The following FASN variants were observed in gnomAD, a reference collection of about 807,000 sequenced individuals.
FASN encodes the protein 3-hydroxyacyl-[acyl-carrier-protein] dehydratase.
FASN carries 50 observed loss-of-function variants against 250.0 expected under a neutral mutation model. That is an observed-to-expected ratio of 0.20 (90% CI 0.16 to 0.25). The LOEUF is 0.25. Among genes scored for constraint, FASN ranks in the 10% least tolerant of loss-of-function variants. The pLI, the probability that FASN is intolerant of heterozygous loss-of-function variation, is 1.00. For synonymous variants in FASN, 1,909 were observed against 1,584.0 expected, an observed-to-expected ratio of 1.21 and a Z score of -4.87; for missense variants, 3,031 against 3,498.5, an observed-to-expected ratio of 0.87 and a Z score of 3.37.
At position 82,078,711 on chromosome 17, in the gene FASN, C is replaced by T. The variant is rs1015426363; in HGVS notation, c.*432G>A. 3.8e-6 allele frequency: 1 copy of T among 263,310 alleles called. No homozygotes were observed. The highest frequency in any genetic ancestry group is 2.3e-5 in the African/African-American group (1 of 44,440). 16.3% of individuals were successfully genotyped at this position (263,310 alleles called of 1,614,324 possible). A position where few individuals can be genotyped will look rare whatever the true frequency, so the allele number is the denominator to read the frequency against. On this transcript the variant is annotated 3_prime_UTR_variant, in exon 43 of 43. Coordinates refer to ENST00000306749, the MANE Select transcript of FASN (RefSeq NM_004104.5). The surrounding 1 kb of genome is among the most constrained non-coding windows in gnomAD (Gnocchi z 5.4). The stretch of plus-strand genomic sequence containing the variant: ...AGCAGGCTTGGGTGGCTGCCCGCGC[C>T]CGCAGGGGACATCGGGGAAATGGGG...
At position 82,079,003 on chromosome 17, in the gene FASN, C is replaced by G; in HGVS notation, c.*140G>C. The G allele has an allele frequency of 9.5e-7, 1 of 1,058,100 alleles. No homozygotes were observed. The highest frequency in any genetic ancestry group is 2.1e-5 in the Admixed American group (1 of 48,012). The allele number at this position is 1,058,100 out of a possible 1,614,324, so 65.5% of individuals were successfully genotyped here. ...GGTGGGACATGCCTAACACCTACAT[C>G]TAGCAGCCTCGGGGGGCAGTGGCAC... On this transcript the variant is annotated 3_prime_UTR_variant, in exon 43 of 43. Transcript: ENST00000306749.
chr17:82,093,550 G>A, intron 4 of FASN, 48 bp downstream of exon 4: 2 of 1,611,102 alleles, frequency 1.2e-6, no homozygotes, highest in Non-Finnish European at 1.7e-6. Flanking sequence ...CTCAGCATGT[G>A]GGGACCTGAA....
chr17:82,089,506 C>T (rs2034164472), intron 12 of FASN, 122 bp from the exon 13 acceptor site: 1 of 1,572,166 alleles, frequency 6.4e-7, no homozygotes, highest in Non-Finnish European at 8.7e-7. Context: ...GACCTGAGGA[C>T]AAACCTGCCC....
chr17:82,078,976 T>C lies in FASN; in HGVS notation c.*167A>G. The C allele has an allele frequency of 1.1e-5, 9 of 797,428 alleles. No individual in the cohort carries two copies. In the South Asian group the frequency reaches 1.5e-4, roughly 14 times the overall value. 49.4% of individuals were successfully genotyped at this position (797,428 alleles called of 1,614,324 possible). On this transcript the variant is annotated 3_prime_UTR_variant, in exon 43 of 43. Coordinates refer to ENST00000306749, the MANE Select transcript of FASN (RefSeq NM_004104.5). The surrounding 1 kb of genome is among the most constrained non-coding windows in gnomAD (Gnocchi z 5.4). ...CCGAGGTGCCGTGGGAGGCGGCGGG[T>C]GGGTGGGACATGCCTAACACCTACA... is the stretch of plus-strand genomic sequence containing the variant.
At chr17:82,082,497 T>C in intron 34 of FASN, 30 bp downstream of exon 34, 1 of 1,609,966 alleles carries the variant, frequency 6.2e-7, no homozygotes. Context: ...CTTGGGGCTT[T>C]TGAGGGCCCC....
Position 82,087,799 on chromosome 17 carries a change from G to C in FASN, c.2929C>G (p.Pro977Ala). 1 of 1,612,630 alleles carries C rather than the reference G, an allele frequency of 6.2e-7. No homozygotes were observed. ...AGGAAGAGGGGCTCCGTGGGGTTGG[G>C]GGTGGGGCTTTCCGGGTGGTCGAAG... is the stretch of plus-strand genomic sequence containing the variant. ...RLFDHPESPT[P>A]NPTEPLFLAQ... is the part of the protein sequence containing the mutation. The change falls in exon 19 of 43, where the codon CCC becomes GCC. Residue 977 changes from proline to alanine, a missense_variant. Physicochemically the swap from Pro to Ala is conservative, Grantham distance 27. Coordinates refer to ENST00000306749, the MANE Select transcript of FASN (RefSeq NM_004104.5).
chr17:82,097,667 G>C (rs1050663792), intron 1 of FASN: 5 of 152,130 alleles, frequency 3.3e-5, no homozygotes, highest in African/African-American at 1.2e-4. Flanking sequence ...CGCTTCGGCC[G>C]GGCTGCGCCA....
Position 82,098,205 on chromosome 17 carries a change from G to T in FASN, c.-92C>A. 2.7e-6 allele frequency: 1 copy of T among 367,768 alleles called. No homozygotes were observed. The highest frequency in any genetic ancestry group is 4.9e-6 in the Non-Finnish European group (1 of 206,086). 22.8% of individuals were successfully genotyped at this position (367,768 alleles called of 1,614,324 possible). A position where few individuals can be genotyped will look rare whatever the true frequency, so the allele number is the denominator to read the frequency against. On this transcript the variant is annotated 5_prime_UTR_variant, in exon 1 of 43. Coordinates refer to ENST00000306749, the MANE Select transcript of FASN (RefSeq NM_004104.5). Reference sequence around the variant, plus strand: ...CGGGAGGCTGAAGCGCGGCGGAGAGGGAGGCCGGGGCCGCTGCCGTCTCTC... The same window carrying T: ...CGGGAGGCTGAAGCGCGGCGGAGAGTGAGGCCGGGGCCGCTGCCGTCTCTC...
In FASN at chr17:82,091,137, G is replaced by C. The variant is rs1229329285; in HGVS notation, c.1493-68C>G. On this transcript the variant is annotated intron_variant, in intron 9 of 42. Transcript: ENST00000306749. ...CCACTGTGTGCCCATCCCCGTCCCA[G>C]AGAGCACCTCAGGGGACCACCAGCT... 3 of 1,604,448 alleles carry C rather than the reference G, an allele frequency of 1.9e-6. No homozygotes were observed. In the South Asian group the frequency reaches 3.3e-5, roughly 18 times the overall value.
rs751669565 is a variant in FASN at position 82,084,165 on chromosome 17, G to A, written c.4920-12C>T. On this transcript the variant is annotated splice_polypyrimidine_tract_variant and intron_variant, in intron 28 of 42. Coordinates refer to ENST00000306749, the MANE Select transcript of FASN (RefSeq NM_004104.5). ...CCTCCTCCAGCGTCCTGGGGATGCA[G>A]CAGGTGGGTCAGCACAGGCCTGGCC... is the stretch of plus-strand genomic sequence containing the variant. 1.2e-6 allele frequency: 2 copies of A among 1,603,922 alleles called. No individual in the cohort carries two copies. Among genetic ancestry groups the A allele is most frequent in the Non-Finnish European group, 1.7e-6 (2 of 1,176,080 alleles).
At position 82,084,570 on chromosome 17, in the gene FASN, G is replaced by C. The variant is rs1174090248; in HGVS notation, c.4711C>G (p.Leu1571Val). The C allele has an allele frequency of 6.2e-7, 1 of 1,611,600 alleles. No homozygotes were observed. The highest frequency in any genetic ancestry group is 8.5e-7 in the Non-Finnish European group (1 of 1,179,570). Residue 1571 changes from leucine to valine, a missense_variant, in exon 27 of 43, where the codon CTC becomes GTC. By Grantham distance (32) the Leu-to-Val change is conservative. Transcript: ENST00000306749. ...GCCAGCATGATGTCGCGGAAGTTGA[G>C]GGAGGCGTAGTAGACCGTGCAGAGC... The part of the protein sequence containing the change: ...AQLCTVYYAS[L>V]NFRDIMLATG...
chr17:82,085,217 G>C (rs1285240480), intron 24 of FASN, 21 bp downstream of exon 24: 1 of 1,612,156 alleles, frequency 6.2e-7, no homozygotes, highest in Non-Finnish European at 8.5e-7. Flanking sequence ...GGTGGGGCCT[G>C]GAGGTGGGGC....
intron 20 of FASN, 31 bp from the exon 21 acceptor site, chr17:82,087,284 A>G: frequency 6.2e-7 from 1 of 1,603,490 alleles, no homozygotes; most frequent in African/African-American, 1.3e-5. Context: ...AGTGCGGCAT[A>G]CTTGGGTGGG....
chr17:82,094,540 C>T (rs988340037), intron 3 of FASN, among the ~76,000 whole-genome samples: 16 of 152,038 alleles, frequency 1.1e-4, no homozygotes, highest in Middle Eastern at 3.2e-3. Context: ...CCTGTAATCC[C>T]AGCACTTTGG....
chr17:82,081,683 G>T lies in FASN; in HGVS notation c.6324C>A (p.Ser2108Arg). ...FLNQPHMVLS[S>R]FVLAEKAAAY... is the part of the protein sequence containing the mutation. ...CCGCAGCCTTCTCAGCCAGCACAAAGCTGCTCAGGACCATGTGGGGCTGGT... is the reference window on the plus strand; with the variant it reads ...CCGCAGCCTTCTCAGCCAGCACAAATCTGCTCAGGACCATGTGGGGCTGGT... The change falls in exon 37 of 43, where the codon AGC (serine) becomes AGA (arginine). Residue 2108 changes from serine to arginine, a missense_variant. Coordinates refer to ENST00000306749, the MANE Select transcript of FASN (RefSeq NM_004104.5). 1 of 1,612,758 alleles carries T rather than the reference G, an allele frequency of 6.2e-7. No homozygotes were observed.
rs748483333 is a variant in FASN at position 82,093,702 on chromosome 17, G to A, written c.350C>T (p.Ser117Leu). 2.5e-6 allele frequency: 4 copies of A among 1,612,584 alleles called. No individual in the cohort carries two copies. Among genetic ancestry groups the A allele is most frequent in the Admixed American group, 3.3e-5 (2 of 60,006 alleles). ...CTCGGGGTCTCGGCTCAGGGCCTCC[G>A]AGGTCTCAGAGCCGCTCACGCCCAC... Reference protein sequence around the residue: ...VWVGVSGSETSEALSRDPETL... With the variant: ...VWVGVSGSETLEALSRDPETL... Residue 117 changes from serine (S) to leucine (L), a missense_variant, in exon 4 of 43, where the codon TCG (serine) becomes TTG (leucine). Ser to Leu is a moderately radical substitution (Grantham distance 145, BLOSUM62 -2). Transcript: ENST00000306749.
intron 1 of FASN, 79 bp downstream of exon 1, chr17:82,098,039 TGAG>T (rs2034333772): frequency 6.5e-6 from 2 of 306,190 alleles, no homozygotes; most frequent in African/African-American, 4.5e-5. Flanking sequence ...GAGCGGAGGA[TGAG>T]GAGCCGGGCC....
rs142888599 is a variant in FASN, at chr17:82,089,319, G to T, written c.2031C>A (p.Thr677=). ...AGTAGGAGTGGAAGGCCATACCGCC[G>T]GTCCGCACCTCCTTGGCAAACACAC... is the stretch of plus-strand genomic sequence containing the variant. The part of the protein sequence containing the change: ...KEGVFAKEVR[T]GGMAFHSYFM... Residue 677 remains threonine, a synonymous_variant, in exon 13 of 43, where the codon ACC becomes ACA. Transcript: ENST00000306749. 5 of 1,612,754 alleles carry T rather than the reference G, an allele frequency of 3.1e-6. No individual in the cohort carries two copies. The South Asian group carries it at 4.4e-5, about 14-fold the overall frequency.
At position 82,078,604 on chromosome 17, in the gene FASN, G is replaced by A. The variant is rs2033931970; in HGVS notation, c.*539C>T. 5.4e-6 allele frequency: 1 copy of A among 184,650 alleles called. No individual in the cohort carries two copies. The highest frequency in any genetic ancestry group is 5.4e-5 in the Admixed American group (1 of 18,394). 11.4% of individuals were successfully genotyped at this position (184,650 alleles called of 1,614,324 possible). On this transcript the variant is annotated 3_prime_UTR_variant, in exon 43 of 43. Coordinates refer to ENST00000306749, the MANE Select transcript of FASN (RefSeq NM_004104.5). The surrounding 1 kb of genome is among the most constrained non-coding windows in gnomAD (Gnocchi z 5.4). The stretch of plus-strand genomic sequence containing the variant: ...TGGCCGGGCCCTGTGTGCCTGTGCA[G>A]GGGCCCAGCTCCTCGGGGACTGGCC...
Sources: allele counts gnomAD v4.1 joint callset (sites outside exome capture counted in the v4.1 genomes callset), GRCh38; gene constraint gnomAD v4.1.1; non-coding constraint Gnocchi (gnomAD v3.1); transcripts MANE v1.5; gene names NCBI Gene and HGNC (gene_info 2026-07-23, HGNC 2026-07-21).